CIC: variants seen among roughly 807,000 people sequenced by gnomAD.
CIC encodes capicua transcriptional repressor.
In CIC, 18 loss-of-function variants were observed where a neutral mutation model predicts 115.7. The observed-to-expected ratio is 0.16, with a 90% confidence interval of 0.11 to 0.23. CIC has a LOEUF of 0.23. CIC is among the 10% of genes least tolerant of loss of function. The pLI is 1.00. For missense variants in CIC, 2,000 were observed against 2,159.3 expected (o/e 0.93, Z 1.46); for synonymous variants, 1,076 against 923.0 (o/e 1.17, Z -3.01).
rs2147295064 is a variant in CIC, at chr19:42,292,221, A to C, written c.5735+14A>C. The C allele has an allele frequency of 6.2e-7, 1 of 1,613,896 alleles. No homozygotes were observed. The highest frequency in any genetic ancestry group is 8.5e-7 in the Non-Finnish European group (1 of 1,180,010). ...CTCCTCCACCAGGTAATTGCAGCTG[A>C]GCCCATACTCAGAGGCCAGGGAAGG... On this transcript the variant is annotated intron_variant, in intron 13 of 20. Coordinates refer to ENST00000681038, the MANE Select transcript of CIC (RefSeq NM_001386298.1).
rs1183389797 is a variant in CIC, at chr19:42,273,554, C to T, written c.1771C>T (p.Arg591Cys). The change falls in exon 2 of 21, where the codon CGC (arginine) becomes TGC (cysteine). Residue 591 changes from arginine (R) to cysteine (C), a missense_variant. Coordinates refer to ENST00000681038, the MANE Select transcript of CIC (RefSeq NM_001386298.1). ...CCTGGTGGCCCCTGCTGACTTGTCA[C>T]GCTTTGAGTTCGACGAGTGTGAGGC... ...PRLVAPADLS[R>C]FEFDECEAAV... 2.5e-6 allele frequency: 1 copy of T among 398,554 alleles called. No homozygotes were observed. The highest frequency in any genetic ancestry group is 4.4e-6 in the Non-Finnish European group (1 of 226,008). 24.7% of individuals were successfully genotyped at this position (398,554 alleles called of 1,614,324 possible). A position where few individuals can be genotyped will look rare whatever the true frequency, so the allele number is the denominator to read the frequency against.
intron 12 of CIC, 130 bp from the exon 13 acceptor site, chr19:42,291,956 G>T: frequency 7.1e-7 from 1 of 1,417,524 alleles, no homozygotes. Context: ...CTGTCATCTT[G>T]CCCATCCTGT....
intron 2 of CIC, chr19:42,284,304 C>T (rs2037435064): frequency 1.4e-5 from 2 of 146,442 alleles, no homozygotes; most frequent in South Asian, 2.1e-4. Context: ...GAGGGGGCCG[C>T]CCCCGCGCAC....
rs1382124150 is a variant in CIC at position 42,291,007 on chromosome 19, G to A, written c.4966G>A (p.Gly1656Arg). 2 of 1,613,794 alleles carry A rather than the reference G, an allele frequency of 1.2e-6. No individual in the cohort carries two copies. Among genetic ancestry groups the A allele is most frequent in the Admixed American group, 1.7e-5 (1 of 60,018 alleles). The change falls in exon 11 of 21, where the codon GGA becomes AGA. Residue 1656 changes from glycine (G) to arginine (R), a missense_variant. Transcript: ENST00000681038. ...ATSPAPHLVA[G>R]PLLGTVGKAP... ...CTCACCAGCCCCACACTTGGTGGCT[G>A]GACCCCTGCTGGGCACTGTGGGGAA...
chr19:42,270,237 G>C lies in CIC; in HGVS notation c.-11+856G>C, dbSNP rs1273701125. ...GGCATTTGGGTGCCAGCCCCGGGAC[G>C]CCCTCCAGGCTCTGCCTGTGAGGAC... is the stretch of plus-strand genomic sequence containing the variant. On this transcript the variant is annotated intron_variant, in intron 1 of 20. Coordinates refer to ENST00000681038, the MANE Select transcript of CIC (RefSeq NM_001386298.1). This position sits in a 1 kb window ranked among gnomAD's most constrained non-coding sequence, Gnocchi z 4.1. Among the ~76,000 whole-genome samples the C allele has an allele frequency of 6.6e-6, 1 of 152,200 alleles. No individual in the cohort carries two copies. The highest frequency in any genetic ancestry group is 1.5e-5 in the Non-Finnish European group (1 of 68,038).
Position 42,287,377 on chromosome 19 carries a change from G to T in CIC, c.3237G>T (p.Arg1079=). Residue 1079 remains arginine, a synonymous_variant, in exon 5 of 21, where the codon CGG becomes CGT. Transcript: ENST00000681038. This position sits in a 1 kb window ranked among gnomAD's most constrained non-coding sequence, Gnocchi z 8.7. ...IQLPLPPGKR[R]TQSLSALPKE... is the part of the protein sequence containing the mutation. ...TGCCTCTACCGCCCGGAAAACGTCG[G>T]ACCCAGTCCCTCAGTGCCCTACCCA... is the stretch of plus-strand genomic sequence containing the variant. 1 of 1,614,066 alleles carries T rather than the reference G, an allele frequency of 6.2e-7. No individual in the cohort carries two copies. The highest frequency in any genetic ancestry group is 1.1e-5 in the South Asian group (1 of 91,084).
chr19:42,289,437 A>C (rs1348749140), intron 9 of CIC, 31 bp downstream of exon 9: 2 of 1,552,722 alleles, frequency 1.3e-6, no homozygotes, highest in Admixed American at 3.9e-5. Context: ...AATCTTGCCC[A>C]GGACCCAGCA....
rs2036894185 is a variant in CIC at position 42,274,473 on chromosome 19, C to G, written c.2690C>G (p.Ala897Gly). Residue 897 changes from alanine to glycine, a missense_variant, in exon 2 of 21, where the codon GCC becomes GGC. Physicochemically the swap from Ala to Gly is moderately conservative, Grantham distance 60 (BLOSUM62 0). This residue lies in a region of CIC where 222 missense variants were observed against 247.7 expected (regional missense o/e 0.90). Coordinates refer to ENST00000681038, the MANE Select transcript of CIC (RefSeq NM_001386298.1). ...GCTTCTTCACCCTTTCAGCCTGTGG[C>G]CTTCCACCCCTCACCTGCTGCCCTG... is the stretch of plus-strand genomic sequence containing the variant. ...GLASSPFQPV[A>G]FHPSPAALLP... The G allele has an allele frequency of 2.5e-6, 1 of 398,778 alleles. No homozygotes were observed. Among genetic ancestry groups the G allele is most frequent in the African/African-American group, 2.1e-5 (1 of 48,652 alleles). The allele number at this position is 398,778 out of a possible 1,614,324, so 24.7% of individuals were successfully genotyped here.
rs1353068686 is a variant in CIC at position 42,290,680 on chromosome 19, G to C, written c.4639G>C (p.Glu1547Gln). The change falls in exon 11 of 21, where the codon GAG becomes CAG. Residue 1547 changes from glutamate to glutamine, a missense_variant. By Grantham distance (29) the Glu-to-Gln change is conservative. Around this residue, in one of 8 missense-constraint regions of CIC, gnomAD observed 1,466 missense variants for 1,390.4 expected, o/e 1.05. Transcript: ENST00000681038. Reference sequence around the variant, plus strand: ...GACACTGGTGCTGCCCCCAAACAAGGAGGAGCAAGAGGGCGGCGGAGCCAG... The same window carrying C: ...GACACTGGTGCTGCCCCCAAACAAGCAGGAGCAAGAGGGCGGCGGAGCCAG... ...LQTLVLPPNK[E>Q]EQEGGGARVP... 1 of 1,613,160 alleles carries C rather than the reference G, an allele frequency of 6.2e-7. No homozygotes were observed.
chr19:42,278,509 G>A (rs1211897524), intron 2 of CIC, among the ~76,000 whole-genome samples: 1 of 152,198 alleles, frequency 6.6e-6, no homozygotes, highest in Non-Finnish European at 1.5e-5. Context: ...GTGCCTTCCT[G>A]GGTTTGTCCC....
In CIC at chr19:42,287,243, G is replaced by A. The variant is rs373173889; in HGVS notation, c.3179+3G>A. On this transcript the variant is annotated splice_donor_region_variant and intron_variant, in intron 4 of 20. Coordinates refer to ENST00000681038, the MANE Select transcript of CIC (RefSeq NM_001386298.1). This position sits in a 1 kb window ranked among gnomAD's most constrained non-coding sequence, Gnocchi z 8.7. ...ACAGAGAGTGACCATGATGATGCGT[G>A]AGTTCCCTGAGGCCTGGGACTTGGG... 5 of 1,613,850 alleles carry A rather than the reference G, an allele frequency of 3.1e-6. No homozygotes were observed. The African/African-American group carries it at 6.7e-5, about 22-fold the overall frequency.
At chr19:42,293,536 T>C in intron 16 of CIC, 56 bp from the exon 17 acceptor site, 1 of 1,611,832 alleles carries the variant, frequency 6.2e-7, no homozygotes, top group South Asian at 1.1e-5. Context: ...GTTTCTGGCC[T>C]TTGCCCCAGA....
rs2147177542 is a variant in CIC at position 42,287,056 on chromosome 19, G to A, written c.2995G>A (p.Gly999Arg). Residue 999 changes from glycine to arginine, a missense_variant, in exon 4 of 21, where the codon GGG becomes AGG. Around this residue, in one of 8 missense-constraint regions of CIC, gnomAD observed 222 missense variants for 247.7 expected, o/e 0.90. Transcript: ENST00000681038. The surrounding 1 kb of genome is among the most constrained non-coding windows in gnomAD (Gnocchi z 8.7). ...TCATGAACGGCCACCAGGTGGGACAGGGAGTGCTGACCCTGAGCGGCCCCC... is the reference window on the plus strand; with the variant it reads ...TCATGAACGGCCACCAGGTGGGACAAGGAGTGCTGACCCTGAGCGGCCCCC... ...VAHERPPGGT[G>R]SADPERPPGA... 1 of 1,612,480 alleles carries A rather than the reference G, an allele frequency of 6.2e-7. No homozygotes were observed. The highest frequency in any genetic ancestry group is 1.1e-5 in the South Asian group (1 of 91,056).
chr19:42,269,291 G>T lies in CIC; in HGVS notation c.-101G>T, dbSNP rs1180609810. The T allele has an allele frequency of 6.7e-6, 1 of 149,958 alleles. No individual in the cohort carries two copies. The highest frequency in any genetic ancestry group is 2.5e-5 in the African/African-American group (1 of 40,710). The allele number at this position is 149,958 out of a possible 1,614,324, so 9.3% of individuals were successfully genotyped here. On this transcript the variant is annotated 5_prime_UTR_variant, in exon 1 of 21. Transcript: ENST00000681038. ...TGGAGTAAAAAAAAAAGGGAGAATCGAGAGGGAGAGCCGGAGGGGGGGCGG... is the reference window on the plus strand; with the variant it reads ...TGGAGTAAAAAAAAAAGGGAGAATCTAGAGGGAGAGCCGGAGGGGGGGCGG...
Position 42,289,938 on chromosome 19 carries a change from C to A in CIC, c.4178C>A (p.Pro1393Gln). 1.2e-6 allele frequency: 2 copies of A among 1,605,036 alleles called. No individual in the cohort carries two copies. Residue 1393 changes from proline to glutamine, a missense_variant, in exon 10 of 21, where the codon CCA becomes CAA. This residue lies in a region of CIC where 1,466 missense variants were observed against 1,390.4 expected (regional missense o/e 1.05). Transcript: ENST00000681038. The stretch of plus-strand genomic sequence containing the variant: ...AGTGGGGACAGCTCTGGGGAGGACC[C>A]AGAGGGCAACAAGGTGAGGGCTTGG... ...SESGDSSGEDPEGNKGFGRKV... is the reference protein window; with the variant it reads ...SESGDSSGEDQEGNKGFGRKV...
At chr19:42,289,655 C>A (rs1007389303) in intron 9 of CIC, among the ~76,000 whole-genome samples, 193 bp from the exon 10 acceptor site, 1 of 152,208 alleles carries the variant, frequency 6.6e-6, no homozygotes, top group African/African-American at 2.4e-5. Context: ...GGGCTCTGTC[C>A]TGCAGGCTCA....
chr19:42,279,176 C>G (rs2037111232), intron 2 of CIC, among the ~76,000 whole-genome samples: 1 of 152,242 alleles, frequency 6.6e-6, no homozygotes, highest in Non-Finnish European at 1.5e-5. Flanking sequence ...GGGGTTAAGC[C>G]TGGGTCTCCT....
chr19:42,293,685 C>T lies in CIC; in HGVS notation c.6616C>T (p.Pro2206Ser). Reference protein sequence around the residue: ...GEPPTPPSPAPAPAVAPGGSS... With the variant: ...GEPPTPPSPASAPAVAPGGSS... ...GCCTCCCACTCCTCCCAGCCCGGCC[C>T]CAGCTCCAGCTGTAGCCCCTGGTGG... Residue 2206 changes from proline to serine, a missense_variant, in exon 17 of 21, where the codon CCA becomes TCA. Pro to Ser is a moderately conservative substitution (Grantham distance 74, BLOSUM62 -1). Coordinates refer to ENST00000681038, the MANE Select transcript of CIC (RefSeq NM_001386298.1). 1 of 1,612,814 alleles carries T rather than the reference C, an allele frequency of 6.2e-7. No individual in the cohort carries two copies. The highest frequency in any genetic ancestry group is 8.5e-7 in the Non-Finnish European group (1 of 1,179,740).
chr19:42,294,515 T>A, intron 19 of CIC, 89 bp from the exon 20 acceptor site: 1 of 1,591,852 alleles, frequency 6.3e-7, no homozygotes. Flanking sequence ...TGAAATAGAA[T>A]GCAGTGAGGG....
Sources: allele counts gnomAD v4.1 joint callset (sites outside exome capture counted in the v4.1 genomes callset), GRCh38; gene constraint gnomAD v4.1.1; regional missense constraint gnomAD v4.1.1; non-coding constraint Gnocchi (gnomAD v3.1); transcripts MANE v1.5; gene names NCBI Gene and HGNC (gene_info 2026-07-23, HGNC 2026-07-21).